RASA2: variants seen among roughly 807,000 people sequenced by gnomAD.
The protein encoded by RASA2 is ras GTPase-activating protein 2.
In RASA2, 155 loss-of-function variants were observed where a neutral mutation model predicts 118.2. The observed-to-expected ratio is 1.31, with a 90% confidence interval of 1.15 to 1.50. The LOEUF is 1.50. RASA2 is among the 40% of genes most tolerant of loss of function. RASA2 has a pLI of 0.00. For missense variants in RASA2, 1,016 were observed against 1,009.6 expected (o/e 1.01, Z -0.09); for synonymous variants, 353 against 349.1 (o/e 1.01, Z -0.12).
At chr3:141,600,627 G>T (rs142348406) in intron 19 of RASA2, 112 of 170,020 alleles carry the variant, frequency 6.6e-4, no homozygotes, top group African/African-American at 2.6e-3. Flanking sequence ...GCGCCGACCC[G>T]GAGCAGGAGG....
intron 2 of RASA2, among the ~76,000 whole-genome samples, chr3:141,515,153 A>G (rs533137615): frequency 6.6e-6 from 1 of 152,350 alleles, no homozygotes; most frequent in African/African-American, 2.4e-5. Context: ...TTATAGCTCA[A>G]TAAAACTGAT....
chr3:141,611,785 G>C (rs1167004081), intron 23 of RASA2, among the ~76,000 whole-genome samples: 1 of 152,082 alleles, frequency 6.6e-6, no homozygotes, highest in Non-Finnish European at 1.5e-5. Context: ...GCCTCAATTA[G>C]AAAGGTTATT....
At chr3:141,591,391 T>C (rs1423104948) in intron 19 of RASA2, among the ~76,000 whole-genome samples, 1 of 152,182 alleles carries the variant, frequency 6.6e-6, no homozygotes, top group Non-Finnish European at 1.5e-5. Context: ...TACCTCAGTG[T>C]AGCCATTCCC....
At chr3:141,557,851 C>T (rs529404811) in intron 7 of RASA2, among the ~76,000 whole-genome samples, 52 of 152,096 alleles carry the variant, frequency 3.4e-4, no homozygotes, top group East Asian at 1.9e-4. Flanking sequence ...GAATGCTGCC[C>T]CCAAGGTTCC....
chr3:141,558,541 A>G (rs972058256), intron 7 of RASA2, among the ~76,000 whole-genome samples: 1 of 152,138 alleles, frequency 6.6e-6, no homozygotes, highest in Non-Finnish European at 1.5e-5. Context: ...AGGAGTTACT[A>G]TAGTGAGTGG....
intron 3 of RASA2, among the ~76,000 whole-genome samples, chr3:141,520,362 A>G (rs1288980389): frequency 6.6e-6 from 1 of 152,142 alleles, no homozygotes; most frequent in African/African-American, 2.4e-5. Flanking sequence ...AGGGGGAAGA[A>G]TGAATCATGT....
chr3:141,570,576 T>C (rs1462853566), intron 9 of RASA2, among the ~76,000 whole-genome samples: 1 of 152,220 alleles, frequency 6.6e-6, no homozygotes, highest in East Asian at 1.9e-4. Flanking sequence ...AAAATTTATT[T>C]TTGATAATAC....
chr3:141,512,873 G>C (rs944634558), intron 2 of RASA2, among the ~76,000 whole-genome samples: 2 of 152,044 alleles, frequency 1.3e-5, no homozygotes, highest in African/African-American at 4.8e-5. Flanking sequence ...GACCAGCTTG[G>C]GCAACATGGT....
intron 4 of RASA2, among the ~76,000 whole-genome samples, chr3:141,538,613 G>A (rs998915909): frequency 7.9e-5 from 12 of 152,026 alleles, no homozygotes; most frequent in African/African-American, 2.9e-4. Context: ...TTACAGTTTA[G>A]AAATTATAAT....
chr3:141,611,495 A>G (rs1433334615), intron 23 of RASA2, among the ~76,000 whole-genome samples: 2 of 152,120 alleles, frequency 1.3e-5, no homozygotes, highest in Admixed American at 1.3e-4. Flanking sequence ...CCAGCAAGGA[A>G]CAGTGTTTGC....
chr3:141,528,258 A>G (rs2082210697), intron 3 of RASA2, among the ~76,000 whole-genome samples: 1 of 151,926 alleles, frequency 6.6e-6, no homozygotes, highest in Non-Finnish European at 1.5e-5. Context: ...TACAGTTTGA[A>G]TTCCAAGACA....
intron 17 of RASA2, among the ~76,000 whole-genome samples, chr3:141,584,874 C>T (rs2107774859): frequency 6.6e-6 from 1 of 151,830 alleles, no homozygotes; most frequent in East Asian, 1.9e-4. Flanking sequence ...TATTCATTCT[C>T]TCTCTCTCCA....
At chr3:141,489,964 ACTT>A (rs2081620584) in intron 1 of RASA2, among the ~76,000 whole-genome samples, 1 of 147,274 alleles carries the variant, frequency 6.8e-6, no homozygotes, top group Non-Finnish European at 1.5e-5. Context: ...GCTTGAGTGT[ACTT>A]TTTTTTTTTT....
chr3:141,586,768 CT>C lies in RASA2; in HGVS notation c.1933+19del, dbSNP rs2083210287. Reference sequence around the variant, plus strand: ...AAACAGCCAGGTAGTTGTGTTTATGCTTTATTGTGGGGTTTTTCCTGGTTCT... The same window carrying C: ...AAACAGCCAGGTAGTTGTGTTTATGCTTATTGTGGGGTTTTTCCTGGTTCT... On this transcript the variant is annotated intron_variant, in intron 19 of 23. Transcript: ENST00000286364. 3 of 1,586,346 alleles carry C rather than the reference CT, an allele frequency of 1.9e-6. No individual in the cohort carries two copies. Among genetic ancestry groups the C allele is most frequent in the Non-Finnish European group, 2.6e-6 (3 of 1,155,618 alleles).
At chr3:141,507,528 T>G (rs1393291318) in intron 1 of RASA2, among the ~76,000 whole-genome samples, 1 of 152,166 alleles carries the variant, frequency 6.6e-6, no homozygotes, top group Non-Finnish European at 1.5e-5. Context: ...TCTTAGAACC[T>G]TACCACCTCT....
chr3:141,559,524 G>A (rs1316344565), intron 8 of RASA2, among the ~76,000 whole-genome samples: 2 of 151,972 alleles, frequency 1.3e-5, no homozygotes, highest in Non-Finnish European at 2.9e-5. Context: ...ATCAGGTAAT[G>A]TATTTTTCTA....
intron 9 of RASA2, among the ~76,000 whole-genome samples, chr3:141,564,995 T>A (rs187540204): frequency 7.9e-5 from 12 of 152,310 alleles, no homozygotes; most frequent in African/African-American, 2.4e-4. Flanking sequence ...TCTTTTTTTT[T>A]ATTTTTTTGA....
At chr3:141,550,789 G>A (rs535677440) in intron 5 of RASA2, among the ~76,000 whole-genome samples, 3 of 152,290 alleles carry the variant, frequency 2.0e-5, no homozygotes, top group Non-Finnish European at 4.4e-5. Flanking sequence ...ACCGGGAGGC[G>A]GAGCTTGCGG....
At chr3:141,490,811 G>T (rs1298562638) in intron 1 of RASA2, among the ~76,000 whole-genome samples, 1 of 152,038 alleles carries the variant, frequency 6.6e-6, no homozygotes, top group Non-Finnish European at 1.5e-5. Flanking sequence ...AATGTCTTTG[G>T]GCCTTCATAT....
Sources: gnomAD v4.1 joint callset for allele counts (sites outside exome capture counted in the v4.1 genomes callset) on GRCh38, gnomAD v4.1.1 for gene constraint, MANE v1.5 for transcripts, NCBI Gene and HGNC (gene_info 2026-07-23, HGNC 2026-07-21) for gene names.